The following ADAM10 variants were observed in gnomAD, a reference collection of about 807,000 sequenced individuals.
The protein encoded by ADAM10 is disintegrin and metalloproteinase domain-containing protein 10.
ADAM10 carries 17 observed loss-of-function variants against 90.1 expected under a neutral mutation model. The observed-to-expected ratio is 0.19, with a 90% CI of 0.13 to 0.28. The LOEUF is 0.28. Ranked by LOEUF, ADAM10 falls within the 10% of genes least tolerant of loss-of-function variation. ADAM10 has a pLI of 1.00. For synonymous variants in ADAM10, 310 were observed against 298.6 expected, an observed-to-expected ratio of 1.04 and a Z score of -0.40; for missense variants, 610 against 914.3, an observed-to-expected ratio of 0.67 and a Z score of 4.29.
rs142142823 is a variant in ADAM10 at position 58,664,532 on chromosome 15, A to G, written c.585+565T>C. Among the ~76,000 whole-genome samples, 579 of 152,294 alleles carry G rather than the reference A, an allele frequency of 3.8e-3. 2 individuals are homozygous for G. The highest frequency in any genetic ancestry group is 0.013 in the African/African-American group (549 of 41,572). On this transcript the variant is annotated intron_variant, in intron 5 of 15. Transcript: ENST00000260408. ...ATGGCTCAAGAAACATAACTCTACCATACTACTTTTAGAAAGGATGTCCAA... is the reference window on the plus strand; with the variant it reads ...ATGGCTCAAGAAACATAACTCTACCGTACTACTTTTAGAAAGGATGTCCAA...
chr15:58,653,322 T>C (rs1435654988), intron 5 of ADAM10, among the ~76,000 whole-genome samples: 1 of 152,204 alleles, frequency 6.6e-6, no homozygotes, highest in Non-Finnish European at 1.5e-5. Flanking sequence ...CTTTCAGGTT[T>C]TGCCCATTCA....
chr15:58,693,481 T>C (rs1897888155), intron 2 of ADAM10, among the ~76,000 whole-genome samples: 1 of 152,190 alleles, frequency 6.6e-6, no homozygotes, highest in African/African-American at 2.4e-5. Context: ...ATCATGGCAA[T>C]TCAAAGAATT....
At chr15:58,658,612 G>C (rs1485098577) in intron 5 of ADAM10, among the ~76,000 whole-genome samples, 3 of 151,930 alleles carry the variant, frequency 2.0e-5, no homozygotes, top group Non-Finnish European at 4.4e-5. Flanking sequence ...TAACATTGAG[G>C]ATTCCAACCA....
rs1486958951 is a variant in ADAM10, at chr15:58,647,260, T to C, written c.586-1056A>G. On this transcript the variant is annotated intron_variant, in intron 5 of 15. Transcript: ENST00000260408. Reference sequence around the variant, plus strand: ...GTAGACACTAAGTATTTTTTTTTTTTTTTTTTTTTTTTTTTTTTGAGACAG... The same window carrying C: ...GTAGACACTAAGTATTTTTTTTTTTCTTTTTTTTTTTTTTTTTTGAGACAG... 2.4e-4 allele frequency among the ~76,000 whole-genome samples: 25 copies of C among 104,292 alleles called. No homozygotes were observed. In the East Asian group the frequency reaches 5.8e-3, roughly 24 times the overall value. 68.4% of individuals were successfully genotyped at this position (104,292 alleles called of 152,430 possible). A position where few individuals can be genotyped will look rare whatever the true frequency, so the allele number is the denominator to read the frequency against.
At position 58,597,587 on chromosome 15, in the gene ADAM10, C is replaced by A; in HGVS notation, c.2207G>T (p.Arg736Leu). ...PQPIQQPQRQ[R>L]PRESYQMGHM... ...TCCCATTTGATAACTCTCTCGGGGC[C>A]GCTGACGCTGGGGTTGCTGAATGGG... Residue 736 changes from arginine (R) to leucine (L), a missense_variant, in exon 16 of 16, where the codon CGG (arginine) becomes CTG (leucine). This residue lies in a region of ADAM10 where 150 missense variants were observed against 268.5 expected (regional missense o/e 0.56). Transcript: ENST00000260408. 1 of 1,614,022 alleles carries A rather than the reference C, an allele frequency of 6.2e-7. No homozygotes were observed. Among genetic ancestry groups the A allele is most frequent in the South Asian group, 1.1e-5 (1 of 91,064 alleles).
chr15:58,625,201 G>A (rs553606603), intron 10 of ADAM10, among the ~76,000 whole-genome samples: 1 of 152,262 alleles, frequency 6.6e-6, no homozygotes, highest in South Asian at 2.1e-4. Context: ...CGAAAGAACT[G>A]TGAAAAGGGC....
Position 58,597,563 on chromosome 15 carries a change from C to T in ADAM10, c.2231G>A (p.Gly744Glu). The T allele has an allele frequency of 6.2e-7, 1 of 1,614,024 alleles. No homozygotes were observed. Among genetic ancestry groups the T allele is most frequent in the South Asian group, 1.1e-5 (1 of 91,070 alleles). The change falls in exon 16 of 16, where the codon GGA becomes GAA. Residue 744 changes from glycine to glutamate, a missense_variant. By Grantham distance (98) the Gly-to-Glu change is moderately conservative (BLOSUM62 -2). Around this residue, in one of 4 missense-constraint regions of ADAM10, gnomAD observed 150 missense variants for 268.5 expected, o/e 0.56. Transcript: ENST00000260408. The stretch of plus-strand genomic sequence containing the variant: ...AAGCTGCAGTTAGCGTCTCATGTGT[C>T]CCATTTGATAACTCTCTCGGGGCCG... The part of the protein sequence containing the change: ...RQRPRESYQM[G>E]HMRR
intron 1 of ADAM10, among the ~76,000 whole-genome samples, chr15:58,741,728 G>T (rs1183870261): frequency 6.6e-6 from 1 of 152,030 alleles, no homozygotes; most frequent in African/African-American, 2.4e-5. Context: ...GTCATTTCTT[G>T]TTCTATCCTT....
intron 3 of ADAM10, among the ~76,000 whole-genome samples, chr15:58,680,986 T>C (rs528060460): frequency 2.0e-5 from 3 of 152,258 alleles, no homozygotes; most frequent in Non-Finnish European, 2.9e-5. Context: ...TAAATTTTTA[T>C]GTTTTTTAGA....
intron 7 of ADAM10, 74 bp from the exon 8 acceptor site, chr15:58,641,034 T>C (rs1896404638): frequency 7.4e-7 from 1 of 1,357,834 alleles, no homozygotes; most frequent in African/African-American, 1.4e-5. Flanking sequence ...GCTCACCTTC[T>C]TCTGCGTACA....
At chr15:58,692,237 C>A in intron 2 of ADAM10, 1 of 589,190 alleles carries the variant, frequency 1.7e-6, no homozygotes, top group South Asian at 1.4e-5. Flanking sequence ...AAATGACCTT[C>A]TACAGGGAAT....
chr15:58,682,615 G>A (rs570713973), intron 2 of ADAM10, among the ~76,000 whole-genome samples: 2 of 152,240 alleles, frequency 1.3e-5, no homozygotes, highest in South Asian at 2.1e-4. Flanking sequence ...AAGTTACTTG[G>A]AGATTAAAAC....
chr15:58,696,253 C>A (rs1897974844), intron 2 of ADAM10, among the ~76,000 whole-genome samples: 1 of 151,906 alleles, frequency 6.6e-6, no homozygotes, highest in African/African-American at 2.4e-5. Context: ...CGCCACTGCA[C>A]TCCAAGTCTG....
intron 5 of ADAM10, among the ~76,000 whole-genome samples, chr15:58,647,327 C>T (rs1465944303): frequency 1.6e-5 from 2 of 126,708 alleles, no homozygotes; most frequent in Non-Finnish European, 3.1e-5. Context: ...GTGGCACGAT[C>T]TTGGCTCCCA....
chr15:58,704,622 C>T (rs976773284), intron 2 of ADAM10, among the ~76,000 whole-genome samples: 2 of 152,090 alleles, frequency 1.3e-5, no homozygotes, highest in Non-Finnish European at 2.9e-5. Context: ...AATTGTGTGG[C>T]CATGTTTCAT....
In ADAM10 at chr15:58,679,126, A is replaced by G; in HGVS notation, c.482T>C (p.Ile161Thr). The change falls in exon 4 of 16, where the codon ATT becomes ACT. Residue 161 changes from isoleucine (I) to threonine (T), a missense_variant and splice_region_variant. Physicochemically the swap from Ile to Thr is moderately conservative, Grantham distance 89. This residue lies in a region of ADAM10 where 310 missense variants were observed against 362.4 expected (regional missense o/e 0.86). Coordinates refer to ENST00000260408, the MANE Select transcript of ADAM10 (RefSeq NM_001110.4). Reference sequence around the variant, plus strand: ...CTTGATAAAACTTAAGTACTTACTAATATCATCTTCATGATAAATGACAGA... The same window carrying G: ...CTTGATAAAACTTAAGTACTTACTAGTATCATCTTCATGATAAATGACAGA... ...FHSVIYHEDDINYPHKYGPQG... is the reference protein window; with the variant it reads ...FHSVIYHEDDTNYPHKYGPQG... 4 of 1,613,290 alleles carry G rather than the reference A, an allele frequency of 2.5e-6. No individual in the cohort carries two copies. The highest frequency in any genetic ancestry group is 3.4e-6 in the Non-Finnish European group (4 of 1,179,562).
intron 9 of ADAM10, among the ~76,000 whole-genome samples, chr15:58,628,850 C>A (rs1351694515): frequency 1.3e-5 from 2 of 152,194 alleles, no homozygotes. Flanking sequence ...TAGAGCCCAA[C>A]TAAGTTACTT....
Position 58,590,902 on chromosome 15 carries a change from A to AT in ADAM10, c.*6644dup, listed in dbSNP as rs1341360976. On this transcript the variant is annotated 3_prime_UTR_variant, in exon 16 of 16. Transcript: ENST00000260408. ...CCTACACTCTTATCAAATTATTCTC[A>AT]TTTTTTTACACTGAGAACAAACAAC... is the stretch of plus-strand genomic sequence containing the variant. 17 of 152,110 alleles carry AT rather than the reference A, an allele frequency of 1.1e-4. No individual in the cohort carries two copies. Among genetic ancestry groups the AT allele is most frequent in the African/African-American group, 2.9e-4 (12 of 41,424 alleles). 9.4% of individuals were successfully genotyped at this position (152,110 alleles called of 1,614,324 possible). A position where few individuals can be genotyped will look rare whatever the true frequency, so the allele number is the denominator to read the frequency against.
chr15:58,614,841 C>T (rs1169492287), intron 11 of ADAM10, among the ~76,000 whole-genome samples: 1 of 152,048 alleles, frequency 6.6e-6, no homozygotes, highest in East Asian at 1.9e-4. Flanking sequence ...CCGCCATTAC[C>T]ACAAAGCTGT....
Sources: allele counts gnomAD v4.1 joint callset (sites outside exome capture counted in the v4.1 genomes callset), GRCh38; gene constraint gnomAD v4.1.1; regional missense constraint gnomAD v4.1.1; transcripts MANE v1.5; gene names NCBI Gene and HGNC (gene_info 2026-07-23, HGNC 2026-07-21).